Variants in PDCD11 observed in about 807,000 individuals in gnomAD.
PDCD11 encodes the protein programmed cell death 11.
Under a neutral mutation model 198.9 loss-of-function variants are expected in PDCD11, and 97 were observed. That is an observed-to-expected ratio of 0.49 (90% CI 0.41 to 0.58). PDCD11 has a LOEUF of 0.58. PDCD11 is among the 20% of genes least tolerant of loss of function. The pLI, the probability that PDCD11 is intolerant of heterozygous loss-of-function variation, is 0.00. For missense variants in PDCD11, 2,102 were observed against 2,312.7 expected, an observed-to-expected ratio of 0.91 and a Z score of 1.87; for synonymous variants, 893 against 918.0, an observed-to-expected ratio of 0.97 and a Z score of 0.49.
At chr10:103,419,802 T>A (rs1475638554) in intron 16 of PDCD11, 94 bp downstream of exon 16, 3 of 1,139,748 alleles carry the variant, frequency 2.6e-6, no homozygotes, top group South Asian at 1.6e-5. Flanking sequence ...TTTATTCCTT[T>A]TTTTTTTGAG....
intron 21 of PDCD11, among the ~76,000 whole-genome samples, chr10:103,428,885 A>G (rs1176449273): frequency 6.6e-6 from 1 of 152,152 alleles, no homozygotes; most frequent in East Asian, 1.9e-4. Flanking sequence ...AGATGGCCAG[A>G]CACACTCCCA....
intron 10 of PDCD11, 67 bp downstream of exon 10, chr10:103,414,157 C>T: frequency 6.3e-7 from 1 of 1,583,904 alleles, no homozygotes. Context: ...TTCCATTTCT[C>T]CTGGCTGTGC....
intron 13 of PDCD11, among the ~76,000 whole-genome samples, chr10:103,417,356 GA>G (rs2031167860): frequency 6.6e-6 from 1 of 152,122 alleles, no homozygotes; most frequent in African/African-American, 2.4e-5. Context: ...ATTTTTAGTA[GA>G]GATGGGATTT....
At position 103,405,085 on chromosome 10, in the gene PDCD11, C is replaced by CA; in HGVS notation, c.466_467insA (p.Leu156HisfsTer27). 1 of 1,614,108 alleles carries CA rather than the reference C, an allele frequency of 6.2e-7. No homozygotes were observed. The highest frequency in any genetic ancestry group is 8.5e-7 in the Non-Finnish European group (1 of 1,179,970). On this transcript the variant is annotated frameshift_variant, in exon 5 of 36. Coordinates refer to ENST00000369797, the MANE Select transcript of PDCD11 (RefSeq NM_014976.2). LOFTEE classifies it high-confidence loss of function. Reference sequence around the variant, plus strand: ...GCTGGTAAGATGTGTGGTGAGCAGTCTGGGCATCACAGACAGGGGCAAGAA... The same window carrying CA: ...GCTGGTAAGATGTGTGGTGAGCAGTCATGGGCATCACAGACAGGGGCAAGAA...
At chr10:103,434,093 G>T (rs1009782937) in intron 23 of PDCD11, 56 bp downstream of exon 23, 136 of 1,406,648 alleles carry the variant, frequency 9.7e-5, no homozygotes, top group Non-Finnish European at 1.8e-5. Flanking sequence ...GCTTGGCCCA[G>T]TGCCTGGTGT....
intron 13 of PDCD11, 58 bp from the exon 14 acceptor site, chr10:103,417,734 G>A: frequency 6.3e-7 from 1 of 1,586,622 alleles, no homozygotes. Context: ...AGGGCACGTT[G>A]CAGGGCCTGC....
chr10:103,405,100 A>G lies in PDCD11; in HGVS notation c.481A>G (p.Arg161Gly), dbSNP rs1418654638. The G allele has an allele frequency of 6.8e-6, 11 of 1,614,096 alleles. No homozygotes were observed. The highest frequency in any genetic ancestry group is 2.2e-5 in the East Asian group (1 of 44,890). Residue 161 changes from arginine to glycine, a missense_variant, in exon 5 of 36, where the codon AGG becomes GGG. By Grantham distance (125) the Arg-to-Gly change is moderately radical (BLOSUM62 -2). Transcript: ENST00000369797. ...GGTGAGCAGTCTGGGCATCACAGAC[A>G]GGGGCAAGAAGAGTGTCAAGCTGTC... ...CVVSSLGITDRGKKSVKLSLN... is the reference protein window; with the variant it reads ...CVVSSLGITDGGKKSVKLSLN...
chr10:103,427,211 C>T lies in PDCD11; in HGVS notation c.3306-118C>T, dbSNP rs955070664. 10 of 826,502 alleles carry T rather than the reference C, an allele frequency of 1.2e-5. No homozygotes were observed. The African/African-American group carries it at 1.3e-4, about 11-fold the overall frequency. The allele number at this position is 826,502 out of a possible 1,614,324, so 51.2% of individuals were successfully genotyped here. A position where few individuals can be genotyped will look rare whatever the true frequency, so the allele number is the denominator to read the frequency against. On this transcript the variant is annotated intron_variant, in intron 20 of 35. Transcript: ENST00000369797. ...ACATCTGTCTTCAGTGGTGGTGTGA[C>T]AGTGGAACAGGGTGCTTTTGTGAGC...
chr10:103,407,257 C>T (rs375021542), intron 7 of PDCD11, among the ~76,000 whole-genome samples: 1 of 151,994 alleles, frequency 6.6e-6, no homozygotes, highest in Non-Finnish European at 1.5e-5. Context: ...AACTTTTTAT[C>T]AAGGTAGAAA....
intron 3 of PDCD11, among the ~76,000 whole-genome samples, chr10:103,401,503 T>C (rs2030057090): frequency 1.3e-5 from 2 of 152,188 alleles, no homozygotes; most frequent in Non-Finnish European, 1.5e-5. Context: ...ACTCCTGACC[T>C]CGTGATCTGC....
At chr10:103,398,737 A>T (rs750387014) in intron 2 of PDCD11, among the ~76,000 whole-genome samples, 20 of 152,202 alleles carry the variant, frequency 1.3e-4, no homozygotes, top group Non-Finnish European at 1.8e-4. Context: ...TACTGTTATT[A>T]GCTGGGCGTA....
At chr10:103,434,529 C>G in intron 24 of PDCD11, 179 bp downstream of exon 24, 1 of 604,598 alleles carries the variant, frequency 1.7e-6, no homozygotes, top group Non-Finnish European at 2.9e-6. Flanking sequence ...AGTTACTCCA[C>G]TGCTCTCTGA....
At chr10:103,440,916 C>T in intron 30 of PDCD11, 66 bp downstream of exon 30, 1 of 1,099,198 alleles carries the variant, frequency 9.1e-7, no homozygotes, top group Non-Finnish European at 1.3e-6. Context: ...CCATCCTCTG[C>T]CTCATCCTCT....
Position 103,414,994 on chromosome 10 carries a change from G to A in PDCD11, c.1372-11G>A. On this transcript the variant is annotated splice_polypyrimidine_tract_variant and intron_variant, in intron 11 of 35. Transcript: ENST00000369797. ...TGAGACATTGTGGCAGCTTATCTTT[G>A]GATTCTCTAGGGCACAGTGCTAACC... 2 of 1,613,618 alleles carry A rather than the reference G, an allele frequency of 1.2e-6. No individual in the cohort carries two copies. The highest frequency in any genetic ancestry group is 1.7e-6 in the Non-Finnish European group (2 of 1,179,626).
rs751261813 is a variant in PDCD11 at position 103,438,687 on chromosome 10, A to G, written c.3904A>G (p.Thr1302Ala). ...CATGTAAGCCTTTTATTCCTTTAGA[A>G]CAAACCCGGAGACGAAAAGCAAAGT... ...VLTLSLRSSR[T>A]NPETKSKVED... is the part of the protein sequence containing the mutation. The change falls in exon 27 of 36, where the codon ACA becomes GCA. Residue 1302 changes from threonine (T) to alanine (A), a missense_variant and splice_region_variant. Physicochemically the swap from Thr to Ala is moderately conservative, Grantham distance 58. Transcript: ENST00000369797. The G allele has an allele frequency of 6.2e-6, 10 of 1,614,054 alleles. No individual in the cohort carries two copies. The highest frequency in any genetic ancestry group is 7.6e-6 in the Non-Finnish European group (9 of 1,180,034).
chr10:103,430,657 T>C (rs1592135394), intron 21 of PDCD11, among the ~76,000 whole-genome samples: 1 of 151,716 alleles, frequency 6.6e-6, no homozygotes, highest in Non-Finnish European at 1.5e-5. Context: ...TTTTTAATAG[T>C]GGCCATCCTG....
intron 34 of PDCD11, 169 bp from the exon 35 acceptor site, chr10:103,444,346 CTG>C: frequency 1.5e-6 from 1 of 660,884 alleles, no homozygotes; most frequent in Middle Eastern, 4.2e-4. Context: ...CAGTGCCCAT[CTG>C]TGTATTTGGC....
chr10:103,444,257 G>A, intron 34 of PDCD11, 189 bp downstream of exon 34: 1 of 638,070 alleles, frequency 1.6e-6, no homozygotes, highest in South Asian at 2.0e-5. Context: ...AAAAGATGGA[G>A]GAACAAAACG....
At position 103,417,896 on chromosome 10, in the gene PDCD11, C is replaced by T. The variant is rs377004724; in HGVS notation, c.1875C>T (p.His625=). ...AGCCAAAGAAAGAGCCTGCAGGACA[C>T]AGTCAGAAGAAAGGAAAAGCCATTA... ...DPEPKKEPAG[H]SQKKGKAINI... Residue 625 remains histidine, a synonymous_variant, in exon 14 of 36, where the codon CAC becomes CAT. Transcript: ENST00000369797. 6.2e-7 allele frequency: 1 copy of T among 1,614,022 alleles called. No individual in the cohort carries two copies. The highest frequency in any genetic ancestry group is 1.3e-5 in the African/African-American group (1 of 74,914).
Sources: allele counts gnomAD v4.1 joint callset (sites outside exome capture counted in the v4.1 genomes callset), GRCh38; gene constraint gnomAD v4.1.1; transcripts MANE v1.5; gene names NCBI Gene and HGNC (gene_info 2026-07-23, HGNC 2026-07-21).